Variants in EP400 observed in about 807,000 individuals in gnomAD.
The protein encoded by EP400 is E1A-binding protein p400.
Under a neutral mutation model 354.1 loss-of-function variants are expected in EP400, and 105 were observed. The ratio of observed to expected loss-of-function variants is 0.30; its 90% CI spans 0.25 to 0.35. The LOEUF is 0.35. Among genes scored for constraint, EP400 ranks in the 10% least tolerant of loss-of-function variants. The probability of loss-of-function intolerance (pLI) is 1.00; values close to 1 mark genes in which losing one functional copy is unlikely to be tolerated. For missense variants in EP400, 3,280 were observed against 4,121.0 expected (o/e 0.80, Z 5.59); for synonymous variants, 1,646 against 1,716.9 (o/e 0.96, Z 1.02).
At chr12:131,972,138 T>G (rs1028445019) in intron 2 of EP400, among the ~76,000 whole-genome samples, 3 of 150,806 alleles carry the variant, frequency 2.0e-5, no homozygotes, top group Non-Finnish European at 4.4e-5. Flanking sequence ...TTTTATTACT[T>G]TCTTTTTCTT....
chr12:131,964,635 A>G (rs1415244244), intron 2 of EP400, among the ~76,000 whole-genome samples: 1 of 152,226 alleles, frequency 6.6e-6, no homozygotes, highest in Non-Finnish European at 1.5e-5. Context: ...TAATTATTTT[A>G]AAAACCCCTT....
chr12:131,980,494 C>A (rs1566170573), intron 3 of EP400, among the ~76,000 whole-genome samples: 1 of 152,098 alleles, frequency 6.6e-6, no homozygotes, highest in Non-Finnish European at 1.5e-5. Flanking sequence ...TTACAGTGAG[C>A]TAAGGATTGA....
chr12:132,041,608 G>A (rs1894912007), intron 32 of EP400, among the ~76,000 whole-genome samples: 1 of 152,118 alleles, frequency 6.6e-6, no homozygotes, highest in African/African-American at 2.4e-5. Context: ...CATTTGAATT[G>A]TGCTCCTGTG....
chr12:132,008,601 G>A (rs1295403437), intron 15 of EP400, among the ~76,000 whole-genome samples: 2 of 148,752 alleles, frequency 1.3e-5, no homozygotes, highest in Non-Finnish European at 3.0e-5. Flanking sequence ...TTTTTTTTGA[G>A]ACAGAGTCTT....
chr12:132,046,572 G>A (rs140006131), intron 39 of EP400, among the ~76,000 whole-genome samples: 45 of 152,320 alleles, frequency 3.0e-4, no homozygotes, highest in African/African-American at 9.1e-4. Context: ...TACGTGTAGT[G>A]TAGTCAAATC....
intron 5 of EP400, among the ~76,000 whole-genome samples, chr12:131,985,664 A>G (rs969529267): frequency 3.9e-5 from 6 of 152,160 alleles, no homozygotes; most frequent in Admixed American, 1.3e-4. Context: ...CTGGAGTAGA[A>G]TGGCGCAATC....
At position 132,038,145 on chromosome 12, in the gene EP400, G is replaced by A. The variant is rs201282956; in HGVS notation, c.6207+49G>A. The A allele has an allele frequency of 1.7e-5, 27 of 1,608,054 alleles. No individual in the cohort carries two copies. In the East Asian group the frequency reaches 2.5e-4, roughly 15 times the overall value. ...GAAGAGTTGCACGGTGGGAGCCGGC[G>A]GAACACCTGCACCCTCCCCCAGGGT... On this transcript the variant is annotated intron_variant, in intron 32 of 52. Coordinates refer to ENST00000389561, the MANE Select transcript of EP400 (RefSeq NM_015409.5). This position sits in a 1 kb window ranked among gnomAD's most constrained non-coding sequence, Gnocchi z 4.2.
rs764523068 is a variant in EP400, at chr12:132,013,520, G to T, written c.3642G>T (p.Pro1214=). 1.1e-5 allele frequency: 18 copies of T among 1,593,516 alleles called. No homozygotes were observed. The highest frequency in any genetic ancestry group is 1.5e-5 in the Non-Finnish European group (17 of 1,169,720). Reference sequence around the variant, plus strand: ...AACGTCTGCTTCTGATCGACTCGCCGCTGCACAATACCTTCCTGGAGCTCT... The same window carrying T: ...AACGTCTGCTTCTGATCGACTCGCCTCTGCACAATACCTTCCTGGAGCTCT... ...SQQRLLLIDS[P]LHNTFLELWT... Residue 1214 remains proline (P), a synonymous_variant, in exon 18 of 53, where the codon CCG becomes CCT. Transcript: ENST00000389561. This position sits in a 1 kb window ranked among gnomAD's most constrained non-coding sequence, Gnocchi z 4.5.
At position 132,079,745 on chromosome 12, in the gene EP400, C is replaced by T. The variant is rs1365620249; in HGVS notation, c.*2072C>T. The T allele has an allele frequency of 1.3e-5, 2 of 152,254 alleles. No individual in the cohort carries two copies. The highest frequency in any genetic ancestry group is 1.9e-4 in the East Asian group (1 of 5,200). 9.4% of individuals were successfully genotyped at this position (152,254 alleles called of 1,614,324 possible). The stretch of plus-strand genomic sequence containing the variant: ...TGCAATGTGGAGTTTCCGCCCCGAT[C>T]TCACGTCAGTGAGGGTCTCCTGTCT... On this transcript the variant is annotated 3_prime_UTR_variant, in exon 53 of 53. Coordinates refer to ENST00000389561, the MANE Select transcript of EP400 (RefSeq NM_015409.5).
chr12:132,066,940 T>G lies in EP400; in HGVS notation c.8720T>G (p.Val2907Gly). 1 of 1,605,252 alleles carries G rather than the reference T, an allele frequency of 6.2e-7. No homozygotes were observed. The highest frequency in any genetic ancestry group is 8.5e-7 in the Non-Finnish European group (1 of 1,175,628). Residue 2907 changes from valine (V) to glycine (G), a missense_variant, in exon 49 of 53, where the codon GTG (valine) becomes GGG (glycine). Around this residue, in one of 20 missense-constraint regions of EP400, gnomAD observed 279 missense variants for 386.7 expected, o/e 0.72. Coordinates refer to ENST00000389561, the MANE Select transcript of EP400 (RefSeq NM_015409.5). ...TLPMNVAGIS[V>G]AIGQPQKAAG... ...CCCATGAACGTCGCGGGGATCAGCG[T>G]GGCGATCGGTCAGCCACAGAAGGCA...
intron 12 of EP400, among the ~76,000 whole-genome samples, chr12:131,995,958 A>C (rs1257661492): frequency 6.6e-6 from 1 of 151,834 alleles, no homozygotes; most frequent in East Asian, 1.9e-4. Flanking sequence ...AGCTTGACTG[A>C]ATGTACCGTT....
intron 7 of EP400, 96 bp downstream of exon 7, chr12:131,987,986 T>C: frequency 2.2e-6 from 1 of 447,810 alleles, no homozygotes; most frequent in Non-Finnish European, 3.1e-6. Context: ...AGACCCACTT[T>C]TTTTTTTTTT....
intron 32 of EP400, among the ~76,000 whole-genome samples, chr12:132,042,255 G>A (rs1894938323): frequency 1.3e-5 from 2 of 152,148 alleles, no homozygotes; most frequent in Non-Finnish European, 2.9e-5. Flanking sequence ...CCGGCCAGTT[G>A]TCTCTGTTTC....
intron 19 of EP400, among the ~76,000 whole-genome samples, chr12:132,014,555 A>G (rs193139837): frequency 2.3e-4 from 35 of 152,300 alleles, no homozygotes; most frequent in South Asian, 2.3e-3. Context: ...GATGAAAAAA[A>G]CACAAAAAAC....
intron 1 of EP400, among the ~76,000 whole-genome samples, chr12:131,951,131 T>C (rs969384798): frequency 1.3e-5 from 2 of 149,260 alleles, no homozygotes; most frequent in Admixed American, 1.3e-4. Flanking sequence ...TTGGTCCGGC[T>C]GGTCTGGAAC....
chr12:131,983,906 C>CT (rs1216458418), intron 5 of EP400, among the ~76,000 whole-genome samples: 82 of 142,374 alleles, frequency 5.8e-4, no homozygotes, highest in Middle Eastern at 3.7e-3. Context: ...AGTGCTTTTT[C>CT]TTTTTTTTTT....
intron 29 of EP400, chr12:132,031,285 G>A (rs1256713850): frequency 1.9e-6 from 1 of 519,182 alleles, no homozygotes; most frequent in East Asian, 5.5e-5. Context: ...ATTGCCTGAG[G>A]ATAGATGAGA....
chr12:132,054,305 G>C lies in EP400; in HGVS notation c.7729-669G>C, dbSNP rs1895409817. Among the ~76,000 whole-genome samples the C allele has an allele frequency of 6.6e-6, 1 of 152,178 alleles. No individual in the cohort carries two copies. The highest frequency in any genetic ancestry group is 1.9e-4 in the East Asian group (1 of 5,188). On this transcript the variant is annotated intron_variant, in intron 43 of 52. Coordinates refer to ENST00000389561, the MANE Select transcript of EP400 (RefSeq NM_015409.5). This position sits in a 1 kb window ranked among gnomAD's most constrained non-coding sequence, Gnocchi z 4.0. Reference sequence around the variant, plus strand: ...TTCCTGCAGTAGTTTTTAGAAAATTGTTTGCTGTAGTGGAATTTTTATATG... The same window carrying C: ...TTCCTGCAGTAGTTTTTAGAAAATTCTTTGCTGTAGTGGAATTTTTATATG...
At chr12:132,015,888 C>T (rs1415659429) in intron 19 of EP400, among the ~76,000 whole-genome samples, 2 of 152,114 alleles carry the variant, frequency 1.3e-5, no homozygotes, top group East Asian at 3.9e-4. Context: ...GCTCCCCCCT[C>T]CTCTTGCAGG....
Sources: allele counts gnomAD v4.1 joint callset (sites outside exome capture counted in the v4.1 genomes callset), GRCh38; gene constraint gnomAD v4.1.1; regional missense constraint gnomAD v4.1.1; non-coding constraint Gnocchi (gnomAD v3.1); transcripts MANE v1.5; gene names NCBI Gene and HGNC (gene_info 2026-07-23, HGNC 2026-07-21).